Variants in PLCL1 observed in about 807,000 individuals in gnomAD.
PLCL1 encodes the protein phospholipase C like 1 (inactive).
In PLCL1, 41 loss-of-function variants were observed where a neutral mutation model predicts 84.4. That is an observed-to-expected ratio of 0.49 (90% CI 0.38 to 0.63). The LOEUF (loss-of-function observed/expected upper bound fraction) is 0.63. PLCL1 is among the 30% of genes least tolerant of loss of function. PLCL1 has a pLI of 0.00. For synonymous variants in PLCL1, 490 were observed against 488.3 expected, an observed-to-expected ratio of 1.00 and a Z score of -0.05; for missense variants, 1,206 against 1,367.8, an observed-to-expected ratio of 0.88 and a Z score of 1.87.
chr2:197,838,640 A>C (rs1370580004), intron 1 of PLCL1, among the ~76,000 whole-genome samples: 1 of 152,222 alleles, frequency 6.6e-6, no homozygotes, highest in Non-Finnish European at 1.5e-5. Context: ...GGAGACACTA[A>C]TCAAAGGAAA....
intron 1 of PLCL1, among the ~76,000 whole-genome samples, chr2:197,928,783 T>A (rs1443056814): frequency 2.6e-5 from 4 of 152,150 alleles, no homozygotes; most frequent in Non-Finnish European, 4.4e-5. Context: ...TTATAAAGAG[T>A]TTCTCATAAC....
chr2:197,863,429 C>T (rs557201512), intron 1 of PLCL1, among the ~76,000 whole-genome samples: 10 of 151,952 alleles, frequency 6.6e-5, no homozygotes, highest in African/African-American at 1.4e-4. Flanking sequence ...TAAATGTGAT[C>T]GATTATTGCA....
At chr2:197,840,316 A>G (rs769275256) in intron 1 of PLCL1, among the ~76,000 whole-genome samples, 4 of 151,770 alleles carry the variant, frequency 2.6e-5, no homozygotes, top group African/African-American at 4.8e-5. Flanking sequence ...ATCATTAGAG[A>G]TTTTGTAAAA....
intron 5 of PLCL1, among the ~76,000 whole-genome samples, chr2:198,112,886 A>G (rs1693654544): frequency 6.6e-6 from 1 of 151,852 alleles, no homozygotes; most frequent in Admixed American, 6.6e-5. Context: ...CTGCTTTACA[A>G]TGGATATCAT....
intron 1 of PLCL1, among the ~76,000 whole-genome samples, chr2:198,021,526 A>C (rs1691132699): frequency 6.6e-6 from 1 of 152,204 alleles, no homozygotes; most frequent in Non-Finnish European, 1.5e-5. Flanking sequence ...AAGAGAAAAG[A>C]ATCAAATAGA....
intron 1 of PLCL1, among the ~76,000 whole-genome samples, chr2:197,909,676 G>A (rs1464621621): frequency 6.6e-6 from 1 of 152,172 alleles, no homozygotes; most frequent in African/African-American, 2.4e-5. Context: ...AGGGTATTTG[G>A]AATTTTGGAT....
intron 1 of PLCL1, among the ~76,000 whole-genome samples, chr2:197,836,096 CAAAGT>C (rs1691181455): frequency 6.6e-6 from 1 of 152,080 alleles, no homozygotes; most frequent in East Asian, 1.9e-4. Flanking sequence ...CAGTAGAAAG[CAAAGT>C]AATGATTTAA....
chr2:197,928,986 A>AT (rs1409641617), intron 1 of PLCL1, among the ~76,000 whole-genome samples: 1 of 151,920 alleles, frequency 6.6e-6, no homozygotes, highest in Non-Finnish European at 1.5e-5. Context: ...CTTTTCTTTA[A>AT]TTTTTTCAAC....
rs1026019765 is a variant in PLCL1, at chr2:197,921,762, T to C, written c.240+116423T>C. 2.0e-5 allele frequency among the ~76,000 whole-genome samples: 3 copies of C among 152,322 alleles called. No individual in the cohort carries two copies. The East Asian group carries it at 5.8e-4, about 29-fold the overall frequency. ...TACAACAGAAACTGCATATCTTTTC[T>C]GAAATATCAGAAAACTGAAATCCAG... On this transcript the variant is annotated intron_variant, in intron 1 of 5. Transcript: ENST00000428675.
chr2:197,895,422 A>T (rs1328400288), intron 1 of PLCL1, among the ~76,000 whole-genome samples: 2 of 152,010 alleles, frequency 1.3e-5, no homozygotes, highest in Admixed American at 1.3e-4. Context: ...TTACATATAT[A>T]TACATATAAA....
At chr2:197,934,448 C>T (rs1425948872) in intron 1 of PLCL1, among the ~76,000 whole-genome samples, 2 of 152,184 alleles carry the variant, frequency 1.3e-5, no homozygotes, top group Non-Finnish European at 2.9e-5. Flanking sequence ...GGCATATTCA[C>T]ATCCACAACG....
intron 1 of PLCL1, among the ~76,000 whole-genome samples, chr2:197,919,026 A>T (rs1688656630): frequency 6.6e-6 from 1 of 151,798 alleles, no homozygotes; most frequent in South Asian, 2.1e-4. Flanking sequence ...CAGATATAAA[A>T]ATTATTATAG....
chr2:198,030,607 A>C, intron 1 of PLCL1, among the ~76,000 whole-genome samples: 1 of 152,116 alleles, frequency 6.6e-6, no homozygotes, highest in African/African-American at 2.4e-5. Flanking sequence ...ATTTTCTGGC[A>C]CTCACTATGT....
intron 1 of PLCL1, among the ~76,000 whole-genome samples, chr2:197,959,047 C>G (rs1401639016): frequency 6.6e-6 from 1 of 151,998 alleles, no homozygotes; most frequent in African/African-American, 2.4e-5. Flanking sequence ...GAAATATACT[C>G]TAGAAAGGGA....
At chr2:197,897,094 GACTCCT>G in intron 1 of PLCL1, among the ~76,000 whole-genome samples, 1 of 148,236 alleles carries the variant, frequency 6.7e-6, no homozygotes, top group African/African-American at 2.5e-5. Flanking sequence ...ATAGAAGTAT[GACTCCT>G]TCTTCTTCTT....
At chr2:197,918,969 C>CACACA (rs1369678298) in intron 1 of PLCL1, among the ~76,000 whole-genome samples, 109 of 146,966 alleles carry the variant, frequency 7.4e-4, no homozygotes, top group East Asian at 2.2e-3. Flanking sequence ...TCTCTCTCTC[C>CACACA]CTCACACACA....
In PLCL1 at chr2:198,088,900, A is replaced by G. The variant is rs1042642926; in HGVS notation, c.2758A>G (p.Ile920Val). 1 of 1,613,194 alleles carries G rather than the reference A, an allele frequency of 6.2e-7. No individual in the cohort carries two copies. The highest frequency in any genetic ancestry group is 8.5e-7 in the Non-Finnish European group (1 of 1,179,276). ...TAAGGAACTATGTGGACTCCCTCCA[A>G]TTGCCAGTCTGAAGCAGTGCCTGTT... ...SIKELCGLPP[I>V]ASLKQCLLTL... Residue 920 changes from isoleucine to valine, a missense_variant, in exon 3 of 6, where the codon ATT (isoleucine) becomes GTT (valine). Transcript: ENST00000428675.
Position 197,813,873 on chromosome 2 carries a change from A to G in PLCL1, c.240+8534A>G, listed in dbSNP as rs144246055. 4.2e-3 allele frequency among the ~76,000 whole-genome samples: 633 copies of G among 152,282 alleles called. 1 individual carries two copies. Among genetic ancestry groups the G allele is most frequent in the Middle Eastern group, 6.8e-3 (2 of 294 alleles). On this transcript the variant is annotated intron_variant, in intron 1 of 5. Transcript: ENST00000428675. ...ATGCTATATGTTCTTATCCTCTAAA[A>G]CAGTATTGATTTGAAGCTTAGCTGG...
chr2:198,134,669 C>T (rs545005197), intron 5 of PLCL1, among the ~76,000 whole-genome samples: 1 of 152,224 alleles, frequency 6.6e-6, no homozygotes, highest in South Asian at 2.1e-4. Flanking sequence ...GAATAAATGT[C>T]CTTGGTAAAA....
Sources: allele counts gnomAD v4.1 joint callset (sites outside exome capture counted in the v4.1 genomes callset), GRCh38; gene constraint gnomAD v4.1.1; transcripts MANE v1.5; gene names NCBI Gene and HGNC (gene_info 2026-07-23, HGNC 2026-07-21).